Variants in OR5V1 observed in about 807,000 individuals in gnomAD.
OR5V1 encodes the protein olfactory receptor 5V1.
For missense variants in OR5V1, 365 were observed against 371.5 expected (o/e 0.98, Z 0.14); for synonymous variants, 134 against 143.2 (o/e 0.94, Z 0.46).
chr6:29,355,366 A>G lies in OR5V1; in HGVS notation c.830T>C (p.Leu277Ser). 6.2e-7 allele frequency: 1 copy of G among 1,614,048 alleles called. No individual in the cohort carries two copies. The highest frequency in any genetic ancestry group is 8.5e-7 in the Non-Finnish European group (1 of 1,179,922). The change falls in exon 2 of 2, where the codon TTG (leucine) becomes TCG (serine). Residue 277 changes from leucine to serine, a missense_variant. Leu to Ser is a moderately radical substitution (Grantham distance 145). Coordinates refer to ENST00000641768, the MANE Select transcript of OR5V1 (RefSeq NM_030876.6). ...SLKKDRLVSV[L>S]YSVVTPMLNP... ...TAGCATGGGGGTAACAACACTGTAC[A>G]ACACTGAAACCAACCTATCTTTCTT... is the stretch of plus-strand genomic sequence containing the variant.
rs183676354 is a variant in OR5V1, at chr6:29,363,765, T to C, written c.-83+4867A>G. On this transcript the variant is annotated intron_variant, in intron 1 of 1. Coordinates refer to ENST00000641768, the MANE Select transcript of OR5V1 (RefSeq NM_030876.6). The stretch of plus-strand genomic sequence containing the variant: ...TTCCATACCCCTTCATGCTAAAAAC[T>C]CTCAATAAACTAAATATTGATGGAA... 8.9e-4 allele frequency among the ~76,000 whole-genome samples: 136 copies of C among 152,070 alleles called. 5 individuals carry two copies. The East Asian group carries it at 0.018, about 20-fold the overall frequency.
Position 29,355,209 on chromosome 6 carries a change from A to C in OR5V1, c.*21T>G, listed in dbSNP as rs1778192444. The C allele has an allele frequency of 2.6e-6, 4 of 1,544,046 alleles. No homozygotes were observed. Among genetic ancestry groups the C allele is most frequent in the Non-Finnish European group, 2.6e-6 (3 of 1,152,584 alleles). ...GTGAAAAAGTTAATTTTGTAGTATA[A>C]GATTATTGAACCTGTGAGGTTCAAT... On this transcript the variant is annotated 3_prime_UTR_variant, in exon 2 of 2. Coordinates refer to ENST00000641768, the MANE Select transcript of OR5V1 (RefSeq NM_030876.6).
Position 29,355,904 on chromosome 6 carries a change from C to G in OR5V1, c.292G>C (p.Val98Leu). 1 of 1,614,082 alleles carries G rather than the reference C, an allele frequency of 6.2e-7. No individual in the cohort carries two copies. Among genetic ancestry groups the G allele is most frequent in the Non-Finnish European group, 8.5e-7 (1 of 1,179,976 alleles). ...AAAACAAATGCAAAAAGTTGAACCA[C>G]ACACCCCACATAAGAAATGCTTTTT... is the stretch of plus-strand genomic sequence containing the variant. ...KKKSISYVGCVVQLFAFVFFV... is the reference protein window; with the variant it reads ...KKKSISYVGCLVQLFAFVFFV... The change falls in exon 2 of 2, where the codon GTG becomes CTG. Residue 98 changes from valine (V) to leucine (L), a missense_variant. By Grantham distance (32) the Val-to-Leu change is conservative. Transcript: ENST00000641768.
chr6:29,360,653 G>A (rs940282020), intron 1 of OR5V1, among the ~76,000 whole-genome samples: 2 of 152,180 alleles, frequency 1.3e-5, no homozygotes, highest in African/African-American at 4.8e-5. Flanking sequence ...AGTGAACCTT[G>A]AGCAAACTGC....
chr6:29,359,673 G>A (rs1778475523), intron 1 of OR5V1, among the ~76,000 whole-genome samples: 1 of 152,174 alleles, frequency 6.6e-6, no homozygotes, highest in Non-Finnish European at 1.5e-5. Flanking sequence ...GCATGGTGTG[G>A]CATCGCCTCA....
chr6:29,360,053 C>T (rs914057895), intron 1 of OR5V1, among the ~76,000 whole-genome samples: 3 of 152,192 alleles, frequency 2.0e-5, no homozygotes, highest in South Asian at 4.1e-4. Flanking sequence ...AGTCTGAAGT[C>T]GACCCTGGAT....
intron 1 of OR5V1, 22 bp from the exon 2 acceptor site, chr6:29,356,299 G>T (rs947418848): frequency 7.5e-7 from 1 of 1,341,822 alleles, no homozygotes; most frequent in Non-Finnish European, 1.0e-6. Flanking sequence ...GGGAAAAAAC[G>T]GTTACAAATA....
In OR5V1 at chr6:29,355,461, C is replaced by T; in HGVS notation, c.735G>A (p.Leu245=). ...RKAFSTCASH[L]AIVFLFYGSA... is the part of the protein sequence containing the mutation. ...TGCCATAAAAGAGAAAGACAATGGC[C>T]AGGTGGGAGGCACATGTAGAGAAGG... Residue 245 remains leucine, a synonymous_variant, in exon 2 of 2, where the codon CTG becomes CTA. Transcript: ENST00000641768. The T allele has an allele frequency of 6.2e-7, 1 of 1,613,964 alleles. No individual in the cohort carries two copies. Among genetic ancestry groups the T allele is most frequent in the Non-Finnish European group, 8.5e-7 (1 of 1,179,912 alleles).
Position 29,359,379 on chromosome 6 carries a change from T to C in OR5V1, c.-82-3102A>G, listed in dbSNP as rs114557967. On this transcript the variant is annotated intron_variant, in intron 1 of 1. Transcript: ENST00000641768. ...CTAAAGTTACTCAGACTTGCAGTGG[T>C]GTTATTGGGTTTTACATTTCACTTT... Among the ~76,000 whole-genome samples the C allele has an allele frequency of 2.9e-3, 443 of 152,158 alleles. 2 individuals carry two copies. The highest frequency in any genetic ancestry group is 0.01 in the African/African-American group (418 of 41,510).
At chr6:29,356,985 A>T (rs1021566930) in intron 1 of OR5V1, among the ~76,000 whole-genome samples, 1 of 152,066 alleles carries the variant, frequency 6.6e-6, no homozygotes, top group Admixed American at 6.6e-5. Flanking sequence ...ATATTGTTTT[A>T]TTTGTTCATT....
In OR5V1 at chr6:29,355,335, AG is replaced by A; in HGVS notation, c.860del (p.Pro287LeufsTer2). On this transcript the variant is annotated frameshift_variant, in exon 2 of 2. Transcript: ENST00000641768. LOFTEE classifies it low-confidence loss of function (END_TRUNC). ...LYSVVTPMLN[P>X]IIYTLRNKDI... ...CCTTATTCCTCAATGTGTAAATTAT[AG>A]GGTTTAGCATGGGGGTAACAACACT... 6.2e-7 allele frequency: 1 copy of A among 1,613,996 alleles called. No homozygotes were observed. Among genetic ancestry groups the A allele is most frequent in the Non-Finnish European group, 8.5e-7 (1 of 1,179,888 alleles).
chr6:29,356,064 T>C lies in OR5V1; in HGVS notation c.132A>G (p.Leu44=). 2 of 1,613,824 alleles carry C rather than the reference T, an allele frequency of 1.2e-6. No homozygotes were observed. Among genetic ancestry groups the C allele is most frequent in the Middle Eastern group, 3.3e-4 (2 of 6,062 alleles). Residue 44 remains leucine (L), a synonymous_variant, in exon 2 of 2, where the codon TTA becomes TTG. Transcript: ENST00000641768. ...GATCAGTCACAGTCGTCAAGATAAT[T>C]AATATATTTCCTCCCAAAGTACAGA... ...TYFCTLGGNI[L]IILTTVTDPH...
At chr6:29,357,538 G>A (rs950927911) in intron 1 of OR5V1, among the ~76,000 whole-genome samples, 3 of 152,078 alleles carry the variant, frequency 2.0e-5, no homozygotes, top group Non-Finnish European at 4.4e-5. Context: ...GTTACAAATT[G>A]TTATGACTTC....
chr6:29,367,664 A>G (rs1348312132), intron 1 of OR5V1, among the ~76,000 whole-genome samples: 3 of 152,178 alleles, frequency 2.0e-5, no homozygotes, highest in African/African-American at 7.2e-5. Context: ...CAAGTAGTGA[A>G]CTAAGAGTAG....
chr6:29,357,542 T>G (rs774433415), intron 1 of OR5V1, among the ~76,000 whole-genome samples: 1 of 152,194 alleles, frequency 6.6e-6, no homozygotes, highest in African/African-American at 2.4e-5. Flanking sequence ...CAAATTGTTA[T>G]GACTTCTATT....
chr6:29,355,451 AG>A lies in OR5V1; in HGVS notation c.744del (p.Leu250SerfsTer19), dbSNP rs758651904. Reference protein sequence around the residue: ...FSTCASHLAIVFLFYGSAIFT... With the variant: ...FSTCASHLAIXFLFYGSAIFT... The stretch of plus-strand genomic sequence containing the variant: ...AAGATGGCGCTGCCATAAAAGAGAA[AG>A]ACAATGGCCAGGTGGGAGGCACATG... On this transcript the variant is annotated frameshift_variant, in exon 2 of 2. Coordinates refer to ENST00000641768, the MANE Select transcript of OR5V1 (RefSeq NM_030876.6). LOFTEE classifies it low-confidence loss of function (END_TRUNC). 5.6e-6 allele frequency: 9 copies of A among 1,614,040 alleles called. No homozygotes were observed. The highest frequency in any genetic ancestry group is 7.6e-6 in the Non-Finnish European group (9 of 1,179,930).
chr6:29,357,264 A>T (rs966096211), intron 1 of OR5V1, among the ~76,000 whole-genome samples: 1 of 152,152 alleles, frequency 6.6e-6, no homozygotes, highest in African/African-American at 2.4e-5. Context: ...TTTAGTCTTT[A>T]CATAAATCCT....
At chr6:29,364,146 C>T (rs1305004183) in intron 1 of OR5V1, among the ~76,000 whole-genome samples, 1 of 151,986 alleles carries the variant, frequency 6.6e-6, no homozygotes, top group Non-Finnish European at 1.5e-5. Flanking sequence ...TCCTATACAC[C>T]AATAATAGAC....
intron 1 of OR5V1, among the ~76,000 whole-genome samples, chr6:29,357,951 A>G (rs1006734862): frequency 6.6e-6 from 1 of 152,148 alleles, no homozygotes; most frequent in African/African-American, 2.4e-5. Context: ...CATTCAAACT[A>G]TATACTTTAT....
Sources: gnomAD v4.1 joint callset for allele counts (sites outside exome capture counted in the v4.1 genomes callset) on GRCh38, gnomAD v4.1.1 for gene constraint, MANE v1.5 for transcripts, NCBI Gene and HGNC (gene_info 2026-07-23, HGNC 2026-07-21) for gene names.